HS6ST3: variants seen among roughly 807,000 people sequenced by gnomAD.
The protein encoded by HS6ST3 is heparan-sulfate 6-O-sulfotransferase 3.
Under a neutral mutation model 36.7 loss-of-function variants are expected in HS6ST3, and 12 were observed. The observed-to-expected ratio is 0.33, with a 90% CI of 0.21 to 0.53. HS6ST3 has a LOEUF of 0.53. Ranked by LOEUF, HS6ST3 falls within the 20% of genes least tolerant of loss-of-function variation. The probability of loss-of-function intolerance (pLI) is 0.95; values close to 1 mark genes in which losing one functional copy is unlikely to be tolerated. For synonymous variants in HS6ST3, 240 were observed against 257.5 expected (o/e 0.93, Z 0.65); for missense variants, 584 against 640.9 (o/e 0.91, Z 0.96).
intron 1 of HS6ST3, among the ~76,000 whole-genome samples, chr13:96,673,504 G>A (rs1190773537): frequency 6.6e-6 from 1 of 151,870 alleles, no homozygotes; most frequent in Non-Finnish European, 1.5e-5. Context: ...GCAATTAGAG[G>A]GCAATTTAAT....
intron 1 of HS6ST3, among the ~76,000 whole-genome samples, chr13:96,591,318 C>A (rs1594813704): frequency 6.6e-6 from 1 of 151,866 alleles, no homozygotes; most frequent in Non-Finnish European, 1.5e-5. Context: ...TAGTGTTCTT[C>A]CAATCTATGA....
chr13:96,796,928 G>A (rs570636671), intron 1 of HS6ST3, among the ~76,000 whole-genome samples: 13 of 152,128 alleles, frequency 8.5e-5, no homozygotes, highest in African/African-American at 3.1e-4. Flanking sequence ...CTGCATATGA[G>A]GGGGTGTCCT....
In HS6ST3 at chr13:96,172,662, T is replaced by G. The variant is rs2054193908; in HGVS notation, c.707+81093T>G. Among the ~76,000 whole-genome samples, 9 of 152,270 alleles carry G rather than the reference T, an allele frequency of 5.9e-5. No individual in the cohort carries two copies. In the South Asian group the frequency reaches 1.9e-3, roughly 32 times the overall value. On this transcript the variant is annotated intron_variant, in intron 1 of 1. Transcript: ENST00000376705. ...CTTCCTTAAAACAGTCACTGTAGAG[T>G]TCAGTCCACAAGTGGCTCAGGTGCA... is the stretch of plus-strand genomic sequence containing the variant.
intron 1 of HS6ST3, among the ~76,000 whole-genome samples, chr13:96,755,934 G>C (rs1876818199): frequency 6.6e-6 from 1 of 152,148 alleles, no homozygotes; most frequent in South Asian, 2.1e-4. Context: ...AGTTGTACCA[G>C]TTCACACTCC....
At chr13:96,652,209 A>G (rs1401987783) in intron 1 of HS6ST3, among the ~76,000 whole-genome samples, 1 of 152,020 alleles carries the variant, frequency 6.6e-6, no homozygotes, top group Non-Finnish European at 1.5e-5. Context: ...CTCTACCATT[A>G]TATATAATTT....
chr13:96,396,315 TTTG>T (rs747082067), intron 1 of HS6ST3, among the ~76,000 whole-genome samples: 166 of 151,664 alleles, frequency 1.1e-3, no homozygotes, highest in Admixed American at 2.4e-3. Flanking sequence ...CTCTGTTTTG[TTTG>T]TTTGTTTGTT....
chr13:96,499,630 CA>C (rs2055994291), intron 1 of HS6ST3, among the ~76,000 whole-genome samples: 2 of 152,130 alleles, frequency 1.3e-5, no homozygotes, highest in Non-Finnish European at 2.9e-5. Context: ...GGAGTGAGGG[CA>C]GGAACCCTGT....
At chr13:96,303,062 T>C (rs1354885685) in intron 1 of HS6ST3, among the ~76,000 whole-genome samples, 7 of 152,214 alleles carry the variant, frequency 4.6e-5, no homozygotes, top group Non-Finnish European at 8.8e-5. Flanking sequence ...TTCTAAAATA[T>C]TTACTTTCTG....
chr13:96,719,280 A>G (rs1875785297), intron 1 of HS6ST3, among the ~76,000 whole-genome samples: 3 of 151,896 alleles, frequency 2.0e-5, no homozygotes, highest in Admixed American at 2.0e-4. Flanking sequence ...TCTCAAAAAA[A>G]AAAAAACCAA....
chr13:96,791,060 G>GA (rs1357816688), intron 1 of HS6ST3, among the ~76,000 whole-genome samples: 1 of 151,900 alleles, frequency 6.6e-6, no homozygotes, highest in African/African-American at 2.4e-5. Flanking sequence ...CAGTTTGGGG[G>GA]AATCTTCTTT....
intron 1 of HS6ST3, among the ~76,000 whole-genome samples, chr13:96,252,759 G>C (rs2054613326): frequency 6.6e-6 from 1 of 151,980 alleles, no homozygotes; most frequent in Non-Finnish European, 1.5e-5. Flanking sequence ...TCCTGGCTTG[G>C]CGCTGCCCTC....
intron 1 of HS6ST3, among the ~76,000 whole-genome samples, chr13:96,724,483 C>T (rs545733519): frequency 6.6e-6 from 1 of 152,142 alleles, no homozygotes; most frequent in Non-Finnish European, 1.5e-5. Flanking sequence ...TCCATCAGCC[C>T]GGAACCTCTC....
intron 1 of HS6ST3, among the ~76,000 whole-genome samples, chr13:96,710,521 G>T (rs990763667): frequency 6.6e-6 from 1 of 152,254 alleles, no homozygotes; most frequent in Non-Finnish European, 1.5e-5. Context: ...TTCTCTGCAA[G>T]TAAATACACA....
At chr13:96,273,004 C>A (rs1196514069) in intron 1 of HS6ST3, among the ~76,000 whole-genome samples, 1 of 151,900 alleles carries the variant, frequency 6.6e-6, no homozygotes, top group Non-Finnish European at 1.5e-5. Flanking sequence ...AATCATGCAG[C>A]TTTTTCAAAC....
chr13:96,480,854 A>C (rs962389194), intron 1 of HS6ST3, among the ~76,000 whole-genome samples: 1 of 152,206 alleles, frequency 6.6e-6, no homozygotes, highest in African/African-American at 2.4e-5. Flanking sequence ...GTATGGCCTT[A>C]GTGTACTCTG....
At chr13:96,489,789 C>G (rs953262986) in intron 1 of HS6ST3, among the ~76,000 whole-genome samples, 15 of 152,098 alleles carry the variant, frequency 9.9e-5, no homozygotes, top group Non-Finnish European at 1.5e-4. Flanking sequence ...ACTTCTTATA[C>G]ATTTGGAGCA....
chr13:96,828,954 T>C (rs1227084783), intron 1 of HS6ST3, among the ~76,000 whole-genome samples: 2 of 152,242 alleles, frequency 1.3e-5, no homozygotes, highest in African/African-American at 4.8e-5. Flanking sequence ...ATTTATTCTT[T>C]GCCTCTAAAA....
At chr13:96,470,134 C>A (rs1181779223) in intron 1 of HS6ST3, among the ~76,000 whole-genome samples, 3 of 152,066 alleles carry the variant, frequency 2.0e-5, no homozygotes, top group Admixed American at 6.6e-5. Flanking sequence ...TTCACTTTTT[C>A]CCTTGTTGTT....
intron 1 of HS6ST3, among the ~76,000 whole-genome samples, chr13:96,614,873 AT>A (rs1358599607): frequency 6.6e-6 from 1 of 152,156 alleles, no homozygotes; most frequent in Non-Finnish European, 1.5e-5. Flanking sequence ...TTTTTACTGA[AT>A]TTTAGGTTTG....
Sources: gnomAD v4.1 joint callset for allele counts (sites outside exome capture counted in the v4.1 genomes callset) on GRCh38, gnomAD v4.1.1 for gene constraint, MANE v1.5 for transcripts, NCBI Gene and HGNC (gene_info 2026-07-23, HGNC 2026-07-21) for gene names.